The following SYNE2 variants were observed in gnomAD, a reference collection of about 807,000 sequenced individuals.
SYNE2 encodes spectrin repeat containing nuclear envelope protein 2, also known as nesprin-2.
A neutral mutation model predicts 856.3 loss-of-function variants in SYNE2; 431 were observed. That is an observed-to-expected ratio of 0.50 (90% CI 0.47 to 0.55). The LOEUF (loss-of-function observed/expected upper bound fraction) is 0.55. Ranked by LOEUF, SYNE2 falls within the 20% of genes least tolerant of loss-of-function variation. The pLI, the probability that SYNE2 is intolerant of heterozygous loss-of-function variation, is 0.00. For synonymous variants in SYNE2, 2,923 were observed against 2,872.3 expected (o/e 1.02, Z -0.56); for missense variants, 8,129 against 8,023.2 (o/e 1.01, Z -0.50).
chr14:63,903,463 A>AT (rs1325346415), intron 1 of SYNE2, among the ~76,000 whole-genome samples: 1 of 151,900 alleles, frequency 6.6e-6, no homozygotes, highest in Non-Finnish European at 1.5e-5. Flanking sequence ...ATGTTATCTA[A>AT]TTTTTTTCTG....
intron 13 of SYNE2, among the ~76,000 whole-genome samples, chr14:63,978,377 G>T (rs1422470968): frequency 6.6e-6 from 1 of 152,126 alleles, no homozygotes. Context: ...TGGGAGGAGG[G>T]ATATGAAAGC....
intron 11 of SYNE2, among the ~76,000 whole-genome samples, chr14:63,971,666 C>T (rs1250016745): frequency 2.0e-5 from 3 of 151,310 alleles, no homozygotes; most frequent in Admixed American, 6.6e-5. Flanking sequence ...AGGTATTTCC[C>T]ATGTTCTTAA....
intron 99 of SYNE2, among the ~76,000 whole-genome samples, chr14:64,199,166 C>A (rs1447231766): frequency 2.0e-5 from 3 of 152,202 alleles, no homozygotes; most frequent in Non-Finnish European, 4.4e-5. Context: ...TCCTACCCCT[C>A]AGTGTATCCT....
chr14:63,803,006 G>A (rs541582443), intron 1 of SYNE2, among the ~76,000 whole-genome samples: 25 of 152,306 alleles, frequency 1.6e-4, no homozygotes, highest in Non-Finnish European at 2.9e-5. Flanking sequence ...CAGTGTGGAA[G>A]GGCACCTGAG....
At chr14:63,866,311 CAATT>C (rs1391907553) in intron 1 of SYNE2, among the ~76,000 whole-genome samples, 1 of 152,134 alleles carries the variant, frequency 6.6e-6, no homozygotes, top group African/African-American at 2.4e-5. Flanking sequence ...TGAACTCTTT[CAATT>C]TACTTAAAAA....
intron 1 of SYNE2, among the ~76,000 whole-genome samples, chr14:63,773,136 T>C (rs1359269891): frequency 1.3e-5 from 2 of 150,732 alleles, no homozygotes; most frequent in Non-Finnish European, 2.9e-5. Context: ...ATTCATATAA[T>C]AAATTTTACT....
intron 1 of SYNE2, among the ~76,000 whole-genome samples, chr14:63,884,024 G>A (rs1238860755): frequency 6.6e-6 from 1 of 152,178 alleles, no homozygotes; most frequent in Non-Finnish European, 1.5e-5. Context: ...CGGGCCCTTG[G>A]TGTGGCCCAG....
intron 1 of SYNE2, among the ~76,000 whole-genome samples, chr14:63,890,769 C>T (rs951112717): frequency 6.6e-6 from 1 of 152,172 alleles, no homozygotes; most frequent in Non-Finnish European, 1.5e-5. Context: ...GTCCTGTCTG[C>T]CTTAATGGGG....
intron 88 of SYNE2, chr14:64,162,911 C>T (rs1454097014): frequency 2.2e-5 from 4 of 183,682 alleles, no homozygotes; most frequent in African/African-American, 9.6e-5. Flanking sequence ...TCTACCTGAG[C>T]TGATAATTTA....
At position 64,212,941 on chromosome 14, in the gene SYNE2, G is replaced by A. The variant is rs531256144; in HGVS notation, c.18992G>A (p.Arg6331His). The A allele has an allele frequency of 4.3e-6, 7 of 1,614,186 alleles. No individual in the cohort carries two copies. Among genetic ancestry groups the A allele is most frequent in the East Asian group, 2.2e-5 (1 of 44,886 alleles). The change falls in exon 105 of 116, where the codon CGC becomes CAC. Residue 6331 changes from arginine (R) to histidine (H), a missense_variant. Physicochemically the swap from Arg to His is conservative, Grantham distance 29. Transcript: ENST00000555002. ...LIEDELEELH[R>H]YCQEVFGRVS... ...GAGGATGAGCTGGAGGAACTCCACC[G>A]CTACTGCCAGGAGGTGTTTGGAAGG...
chr14:63,884,217 C>T (rs978831580), intron 1 of SYNE2, among the ~76,000 whole-genome samples: 2 of 152,172 alleles, frequency 1.3e-5, no homozygotes, highest in African/African-American at 4.8e-5. Context: ...AGCAGGCCAG[C>T]GCTGCTACAG....
intron 66 of SYNE2, among the ~76,000 whole-genome samples, chr14:64,116,181 G>C: frequency 7.8e-6 from 1 of 128,248 alleles, no homozygotes; most frequent in East Asian, 2.8e-4. Context: ...AAAAAAGAAA[G>C]AGAAAGGAAA....
Position 64,101,925 on chromosome 14 carries a change from G to C in SYNE2, c.12382-7G>C. The C allele has an allele frequency of 6.2e-7, 1 of 1,607,994 alleles. No individual in the cohort carries two copies. Among genetic ancestry groups the C allele is most frequent in the Non-Finnish European group, 8.5e-7 (1 of 1,174,408 alleles). On this transcript the variant is annotated splice_region_variant and splice_polypyrimidine_tract_variant and intron_variant, in intron 63 of 115. Transcript: ENST00000555002. ...TCCCTTTGCTAACCAATCGTTTACT[G>C]TGATAGAATGGAGATGAGAAGGCAG... is the stretch of plus-strand genomic sequence containing the variant.
chr14:64,187,460 T>C (rs2098497741), intron 97 of SYNE2, among the ~76,000 whole-genome samples: 1 of 152,214 alleles, frequency 6.6e-6, no homozygotes, highest in Non-Finnish European at 1.5e-5. Flanking sequence ...GGCCCAGATG[T>C]TCCTAATTGT....
intron 100 of SYNE2, among the ~76,000 whole-genome samples, chr14:64,203,652 T>G (rs1419457064): frequency 6.6e-6 from 1 of 152,182 alleles, no homozygotes; most frequent in Non-Finnish European, 1.5e-5. Context: ...CCTGGATATG[T>G]CTTTACTTTT....
chr14:64,093,355 A>G lies in SYNE2; in HGVS notation c.11983A>G (p.Ile3995Val). The G allele has an allele frequency of 6.2e-7, 1 of 1,613,974 alleles. No individual in the cohort carries two copies. Among genetic ancestry groups the G allele is most frequent in the South Asian group, 1.1e-5 (1 of 91,080 alleles). Residue 3995 changes from isoleucine to valine, a missense_variant, in exon 61 of 116, where the codon ATA (isoleucine) becomes GTA (valine). Ile to Val is a conservative substitution (Grantham distance 29). Coordinates refer to ENST00000555002, the MANE Select transcript of SYNE2 (RefSeq NM_182914.3). Reference protein sequence around the residue: ...QEQNELLKVVIKQTNEWDEEI... With the variant: ...QEQNELLKVVVKQTNEWDEEI... ...TGTGGGGGTTATTTTATAGGTAGTC[A>G]TAAAACAGACCAATGAATGGGATGA...
chr14:63,858,028 A>T (rs1031445131), intron 1 of SYNE2, among the ~76,000 whole-genome samples: 1 of 152,112 alleles, frequency 6.6e-6, no homozygotes, highest in Non-Finnish European at 1.5e-5. Context: ...ATCTGGTGAG[A>T]GCATTTTTGC....
intron 45 of SYNE2, among the ~76,000 whole-genome samples, chr14:64,037,944 C>T (rs1392391862): frequency 4.0e-5 from 6 of 150,936 alleles, no homozygotes; most frequent in African/African-American, 9.7e-5. Flanking sequence ...GGGGGGCTGA[C>T]CCCCCCACCT....
Position 64,053,476 on chromosome 14 carries a change from A to G in SYNE2, c.9563A>G (p.Glu3188Gly), listed in dbSNP as rs1191679651. Residue 3188 changes from glutamate (E) to glycine (G), a missense_variant, in exon 48 of 116, where the codon GAA becomes GGA. By Grantham distance (98) the Glu-to-Gly change is moderately conservative (BLOSUM62 -2). Coordinates refer to ENST00000555002, the MANE Select transcript of SYNE2 (RefSeq NM_182914.3). ...INLEIKHIQN[E>G]KDNCEAFQEQ... ...TTGGAAATTAAACATATTCAAAATG[A>G]AAAGGACAATTGTGAAGCATTTCAG... 1.9e-6 allele frequency: 3 copies of G among 1,614,000 alleles called. No homozygotes were observed. Among genetic ancestry groups the G allele is most frequent in the Non-Finnish European group, 1.7e-6 (2 of 1,180,032 alleles).
Sources: gnomAD v4.1 joint callset for allele counts (sites outside exome capture counted in the v4.1 genomes callset) on GRCh38, gnomAD v4.1.1 for gene constraint, MANE v1.5 for transcripts, NCBI Gene and HGNC (gene_info 2026-07-23, HGNC 2026-07-21) for gene names.